Variants in STRIP1 observed in about 807,000 individuals in gnomAD.
STRIP1 encodes striatin interacting protein 1, also known as striatin-interacting protein 1.
Under a neutral mutation model 106.2 loss-of-function variants are expected in STRIP1, and 63 were observed. That is an observed-to-expected ratio of 0.59 (90% CI 0.48 to 0.73). The LOEUF (loss-of-function observed/expected upper bound fraction) is 0.73. Ranked by LOEUF, STRIP1 falls within the 30% of genes least tolerant of loss-of-function variation. The probability of loss-of-function intolerance (pLI) is 0.00; values close to 1 mark genes in which losing one functional copy is unlikely to be tolerated. For synonymous variants in STRIP1, 390 were observed against 413.0 expected, an observed-to-expected ratio of 0.94 and a Z score of 0.67; for missense variants, 857 against 1,074.8, an observed-to-expected ratio of 0.80 and a Z score of 2.83.
intron 17 of STRIP1, chr1:110,049,974 T>C (rs1390635406): frequency 5.9e-6 from 2 of 337,810 alleles, no homozygotes; most frequent in Non-Finnish European, 1.1e-5. Flanking sequence ...CATTACTTGC[T>C]CGTCAGTGTG....
rs781512083 is a variant in STRIP1, at chr1:110,043,759, C to T, written c.1189C>T (p.Pro397Ser). 2 of 1,614,140 alleles carry T rather than the reference C, an allele frequency of 1.2e-6. No homozygotes were observed. Among genetic ancestry groups the T allele is most frequent in the Non-Finnish European group, 1.7e-6 (2 of 1,180,014 alleles). The change falls in exon 10 of 21, where the codon CCC becomes TCC. Residue 397 changes from proline (P) to serine (S), a missense_variant. Coordinates refer to ENST00000369795, the MANE Select transcript of STRIP1 (RefSeq NM_033088.4). ...DDNSLEGETFPLERDEVMPPP... is the reference protein window; with the variant it reads ...DDNSLEGETFSLERDEVMPPP... Reference sequence around the variant, plus strand: ...CAACAGTCTGGAGGGGGAGACGTTTCCCCTGGAACGGGATGAAGTGATGCC... The same window carrying T: ...CAACAGTCTGGAGGGGGAGACGTTTTCCCTGGAACGGGATGAAGTGATGCC...
At chr1:110,040,848 T>G in intron 6 of STRIP1, 145 bp downstream of exon 6, 1 of 683,320 alleles carries the variant, frequency 1.5e-6, no homozygotes, top group Non-Finnish European at 2.4e-6. Context: ...TGTGAATGAT[T>G]AGTAGGAACT....
At chr1:110,042,135 T>C (rs1652796043) in intron 8 of STRIP1, among the ~76,000 whole-genome samples, 1 of 152,108 alleles carries the variant, frequency 6.6e-6, no homozygotes, top group South Asian at 2.1e-4. Flanking sequence ...CCCAGACAAG[T>C]TGCCTCTCAG....
At chr1:110,051,208 G>C in intron 19 of STRIP1, 148 bp downstream of exon 19, 2 of 626,916 alleles carry the variant, frequency 3.2e-6, no homozygotes, top group Non-Finnish European at 5.8e-6. Context: ...CCAATTCCCA[G>C]TTCCTTGATG....
At chr1:110,031,980 C>T (rs1356001004), upstream of STRIP1, among the ~76,000 whole-genome samples, 1 of 151,604 alleles carries the variant, frequency 6.6e-6, no homozygotes, top group Non-Finnish European at 1.5e-5. Flanking sequence ...ACGATCCTCC[C>T]ACCTCAACTT....
chr1:110,051,552 C>A lies in STRIP1; in HGVS notation c.2062-131C>A, dbSNP rs755825677. 6.3e-4 allele frequency: 554 copies of A among 886,220 alleles called. 1 individual carries two copies. The highest frequency in any genetic ancestry group is 8.9e-4 in the Non-Finnish European group (513 of 577,848). 54.9% of individuals were successfully genotyped at this position (886,220 alleles called of 1,614,324 possible). On this transcript the variant is annotated intron_variant, in intron 19 of 20. Transcript: ENST00000369795. ...AAGTCCTATGTATCAGGAAACTCTT[C>A]AGTCCAAGGGAAACTGGGATGGTTT...
intron 3 of STRIP1, chr1:110,038,966 A>C (rs1652626553): frequency 2.7e-6 from 2 of 745,148 alleles, no homozygotes; most frequent in East Asian, 5.4e-5. Context: ...GAGAAAAAAA[A>C]ATCATGTGAT....
chr1:110,047,037 G>A (rs1001322279), intron 13 of STRIP1, among the ~76,000 whole-genome samples: 3 of 152,030 alleles, frequency 2.0e-5, no homozygotes, highest in Admixed American at 2.0e-4. Context: ...GCGACAGAGC[G>A]AGACCATCTC....
intron 18 of STRIP1, 79 bp downstream of exon 18, chr1:110,050,488 A>T: frequency 7.6e-7 from 1 of 1,321,154 alleles, no homozygotes; most frequent in Admixed American, 1.8e-5. Flanking sequence ...CCAACACTGC[A>T]GGAATAGAGG....
chr1:110,049,882 A>G (rs1158971693), intron 17 of STRIP1: 2 of 309,170 alleles, frequency 6.5e-6, no homozygotes, highest in Non-Finnish European at 1.2e-5. Context: ...TGCTGTCTCT[A>G]AGGGGCTCGG....
chr1:110,044,773 T>A, intron 10 of STRIP1, 67 bp from the exon 11 acceptor site: 1 of 1,493,578 alleles, frequency 6.7e-7, no homozygotes, highest in South Asian at 1.1e-5. Flanking sequence ...TTTTGTTAAC[T>A]GTAACACTTT....
At chr1:110,045,556 T>G (rs1459690907) in intron 12 of STRIP1, 4 of 151,656 alleles carry the variant, frequency 2.6e-5, no homozygotes, top group African/African-American at 9.8e-5. Flanking sequence ...TAAATAGCCC[T>G]CCTTTTCCTT....
chr1:110,053,182 C>T (rs1045631404), intron 20 of STRIP1, among the ~76,000 whole-genome samples: 5 of 152,230 alleles, frequency 3.3e-5, no homozygotes, highest in African/African-American at 1.2e-4. Flanking sequence ...TCTCCCCTGC[C>T]CACCTGGGCT....
intron 1 of STRIP1, among the ~76,000 whole-genome samples, chr1:110,036,873 G>A (rs554465950): frequency 1.1e-3 from 162 of 152,242 alleles, no homozygotes; most frequent in African/African-American, 3.5e-3. Flanking sequence ...TCCCAAGCTG[G>A]AGTGTAGTGG....
Position 110,049,547 on chromosome 1 carries a change from A to G in STRIP1, c.1876A>G (p.Thr626Ala). The change falls in exon 17 of 21, where the codon ACT (threonine) becomes GCT (alanine). Residue 626 changes from threonine to alanine, a missense_variant. Thr to Ala is a moderately conservative substitution (Grantham distance 58). Coordinates refer to ENST00000369795, the MANE Select transcript of STRIP1 (RefSeq NM_033088.4). ...FFNQNIMSYI[T>A]AKNSISVLDY... ...CAATCAAAACATCATGTCCTACATC[A>G]CTGCCAAGAACAGGTGATGAGGGCC... 1 of 1,611,518 alleles carries G rather than the reference A, an allele frequency of 6.2e-7. No homozygotes were observed. Among genetic ancestry groups the G allele is most frequent in the Non-Finnish European group, 8.5e-7 (1 of 1,178,676 alleles).
chr1:110,050,229 A>T, intron 17 of STRIP1, 114 bp from the exon 18 acceptor site: 1 of 961,652 alleles, frequency 1.0e-6, no homozygotes, highest in Non-Finnish European at 1.6e-6. Context: ...GTAGATTCCT[A>T]CTTCTGCTCC....
Position 110,049,469 on chromosome 1 carries a change from A to T in STRIP1, c.1798A>T (p.Met600Leu). Reference protein sequence around the residue: ...KLNHVYQFEYMAQHLVFANCI... With the variant: ...KLNHVYQFEYLAQHLVFANCI... ...TTCCTGTTGGCTTCAGTTTGAATACATGGCCCAGCACCTGGTGTTTGCCAA... is the reference window on the plus strand; with the variant it reads ...TTCCTGTTGGCTTCAGTTTGAATACTTGGCCCAGCACCTGGTGTTTGCCAA... Residue 600 changes from methionine to leucine, a missense_variant, in exon 17 of 21, where the codon ATG becomes TTG. Coordinates refer to ENST00000369795, the MANE Select transcript of STRIP1 (RefSeq NM_033088.4). 1 of 1,600,724 alleles carries T rather than the reference A, an allele frequency of 6.2e-7. No homozygotes were observed. Among genetic ancestry groups the T allele is most frequent in the South Asian group, 1.1e-5 (1 of 89,488 alleles).
At chr1:110,045,348 G>A (rs777397741) in intron 12 of STRIP1, 19 of 426,324 alleles carry the variant, frequency 4.5e-5, no homozygotes, top group Non-Finnish European at 6.5e-5. Context: ...ACCAAGGCAT[G>A]CACCTGTAGT....
upstream of STRIP1, among the ~76,000 whole-genome samples, chr1:110,034,302 A>G (rs950147130): frequency 6.6e-6 from 1 of 152,214 alleles, no homozygotes; most frequent in Non-Finnish European, 1.5e-5. Flanking sequence ...TTTGTTCATT[A>G]CAAAATTCCG....
Sources: allele counts gnomAD v4.1 joint callset (sites outside exome capture counted in the v4.1 genomes callset), GRCh38; gene constraint gnomAD v4.1.1; transcripts MANE v1.5; gene names NCBI Gene and HGNC (gene_info 2026-07-23, HGNC 2026-07-21).